MLIP: variants seen among roughly 807,000 people sequenced by gnomAD.
The protein encoded by MLIP is muscular LMNA-interacting protein.
Under a neutral mutation model 84.8 loss-of-function variants are expected in MLIP, and 79 were observed. The ratio of observed to expected loss-of-function variants is 0.93; its 90% CI spans 0.78 to 1.12. MLIP has a LOEUF of 1.12. Among genes scored for constraint, MLIP ranks in the 50% most tolerant of loss-of-function variants. MLIP has a pLI of 0.00. For missense variants in MLIP, 1,257 were observed against 1,160.6 expected (o/e 1.08, Z -1.21); for synonymous variants, 504 against 463.0 (o/e 1.09, Z -1.14).
intron 5 of MLIP, among the ~76,000 whole-genome samples, chr6:54,156,740 T>G (rs1774071593): frequency 6.6e-6 from 1 of 152,116 alleles, no homozygotes; most frequent in Non-Finnish European, 1.5e-5. Flanking sequence ...TACCCAGTGA[T>G]TCATCATAAA....
chr6:54,022,778 C>T (rs1763567850), intron 1 of MLIP, among the ~76,000 whole-genome samples: 1 of 152,080 alleles, frequency 6.6e-6, no homozygotes, highest in Non-Finnish European at 1.5e-5. Flanking sequence ...AGAAACAGAT[C>T]TCATGCATAA....
intron 11 of MLIP, among the ~76,000 whole-genome samples, chr6:54,223,642 T>C (rs761691480): frequency 6.6e-6 from 1 of 152,056 alleles, no homozygotes; most frequent in African/African-American, 2.4e-5. Flanking sequence ...CACTTTGAAA[T>C]CACAAAATGT....
rs560736872 is a variant in MLIP, at chr6:54,155,753, A to C, written c.2290-4614A>C. 1.4e-4 allele frequency among the ~76,000 whole-genome samples: 21 copies of C among 152,174 alleles called. No individual in the cohort carries two copies. In the South Asian group the frequency reaches 1.5e-3, roughly 11 times the overall value. On this transcript the variant is annotated intron_variant, in intron 5 of 13. Coordinates refer to ENST00000502396, the MANE Select transcript of MLIP (RefSeq NM_001281747.2). ...TCATAGTTCTTGGCTCCTAATTTTAATGTAGTGCTAAGTTCAGAAATTCTT... is the reference window on the plus strand; with the variant it reads ...TCATAGTTCTTGGCTCCTAATTTTACTGTAGTGCTAAGTTCAGAAATTCTT...
chr6:54,056,947 T>C (rs1221928685), intron 1 of MLIP, among the ~76,000 whole-genome samples: 1 of 152,208 alleles, frequency 6.6e-6, no homozygotes, highest in African/African-American at 2.4e-5. Flanking sequence ...TTTTGCTTTA[T>C]AAATGAGAAA....
At chr6:54,134,014 C>G (rs1771604893) in intron 3 of MLIP, among the ~76,000 whole-genome samples, 1 of 152,076 alleles carries the variant, frequency 6.6e-6, no homozygotes, top group African/African-American at 2.4e-5. Context: ...AAACCTAGAA[C>G]AGCCTTGAGG....
At chr6:54,041,362 T>C (rs1764732572) in intron 1 of MLIP, among the ~76,000 whole-genome samples, 1 of 152,114 alleles carries the variant, frequency 6.6e-6, no homozygotes, top group Non-Finnish European at 1.5e-5. Context: ...TTTTGGCAGT[T>C]AATAAATGAA....
intron 11 of MLIP, chr6:54,217,388 A>G (rs1268886303): frequency 5.1e-6 from 5 of 985,354 alleles, no homozygotes; most frequent in South Asian, 9.4e-5. Context: ...GAAGTTAAAC[A>G]GTATGATTTG....
Position 54,169,582 on chromosome 6 carries a change from TTTATAA to T in MLIP, c.2544+16_2544+21del, listed in dbSNP as rs1489303931. Reference sequence around the variant, plus strand: ...TCGAGAAACCAAATATGTAAGTACCTTTATAATTATACACACTGCTTTTCAAATGGG... The same window carrying T: ...TCGAGAAACCAAATATGTAAGTACCTTTATACACACTGCTTTTCAAATGGG... On this transcript the variant is annotated intron_variant, in intron 9 of 13. Transcript: ENST00000502396. 1 of 1,576,752 alleles carries T rather than the reference TTTATAA, an allele frequency of 6.3e-7. No individual in the cohort carries two copies. Among genetic ancestry groups the T allele is most frequent in the Admixed American group, 1.8e-5 (1 of 56,318 alleles).
chr6:54,258,959 A>G (rs1306538452), intron 13 of MLIP, among the ~76,000 whole-genome samples: 6 of 151,750 alleles, frequency 4.0e-5, no homozygotes, highest in Non-Finnish European at 8.8e-5. Context: ...TATTTATCCA[A>G]ATTTCTCTAT....
chr6:54,233,620 A>G (rs1282728621), intron 12 of MLIP, among the ~76,000 whole-genome samples: 1 of 152,166 alleles, frequency 6.6e-6, no homozygotes, highest in East Asian at 1.9e-4. Context: ...GCTATTGTGA[A>G]TAGTGCTGCA....
chr6:54,025,316 T>C (rs534454517), intron 1 of MLIP, among the ~76,000 whole-genome samples: 3 of 152,324 alleles, frequency 2.0e-5, no homozygotes, highest in African/African-American at 4.8e-5. Context: ...TAGATATTAC[T>C]TTCCGTATGG....
chr6:54,171,274 C>T (rs1231765909), intron 9 of MLIP, among the ~76,000 whole-genome samples: 1 of 151,542 alleles, frequency 6.6e-6, no homozygotes, highest in Non-Finnish European at 1.5e-5. Flanking sequence ...TTAAGTCATT[C>T]AAAGCTAAGA....
At chr6:54,123,958 G>A (rs972117743) in intron 2 of MLIP, among the ~76,000 whole-genome samples, 1 of 152,126 alleles carries the variant, frequency 6.6e-6, no homozygotes, top group Non-Finnish European at 1.5e-5. Flanking sequence ...CTATTTATGA[G>A]TTCTCCCTAA....
intron 1 of MLIP, chr6:54,047,385 C>T (rs1582026823): frequency 6.6e-6 from 1 of 152,250 alleles, no homozygotes. Context: ...GACTGAGCTT[C>T]TGCCAATTTA....
At chr6:54,040,619 T>A (rs1005523965) in intron 1 of MLIP, among the ~76,000 whole-genome samples, 1 of 152,068 alleles carries the variant, frequency 6.6e-6, no homozygotes, top group Non-Finnish European at 1.5e-5. Context: ...CACTCATACA[T>A]TCATCACAGC....
Position 54,096,195 on chromosome 6 carries a change from T to G in MLIP, c.64-25252T>G, listed in dbSNP as rs111971709. 1.2e-3 allele frequency among the ~76,000 whole-genome samples: 179 copies of G among 152,318 alleles called. 3 individuals are homozygous for G. The highest frequency in any genetic ancestry group is 4.3e-3 in the African/African-American group (178 of 41,578). ...TACTTGGAACTTTTTAAGACCTTTT[T>G]TGGGGGCACAGGAAAATTTGTCTTC... On this transcript the variant is annotated intron_variant, in intron 1 of 12. Transcript: ENST00000274897.
intron 12 of MLIP, among the ~76,000 whole-genome samples, chr6:54,244,194 A>G (rs1316512391): frequency 6.6e-6 from 1 of 152,292 alleles, no homozygotes; most frequent in East Asian, 1.9e-4. Context: ...TAAACCAGGT[A>G]ATTTATTTTC....
chr6:54,136,238 A>G (rs1339541923), intron 3 of MLIP, among the ~76,000 whole-genome samples: 1 of 152,228 alleles, frequency 6.6e-6, no homozygotes, highest in East Asian at 1.9e-4. Context: ...GTTAAGTAGT[A>G]GAAACTCTCA....
intron 9 of MLIP, among the ~76,000 whole-genome samples, chr6:54,170,954 T>A (rs1304770765): frequency 6.6e-6 from 1 of 151,472 alleles, no homozygotes; most frequent in East Asian, 1.9e-4. Flanking sequence ...TTGTGACTAA[T>A]ACATTTTACA....
Sources: gnomAD v4.1 joint callset for allele counts (sites outside exome capture counted in the v4.1 genomes callset) on GRCh38, gnomAD v4.1.1 for gene constraint, MANE v1.5 for transcripts, NCBI Gene and HGNC (gene_info 2026-07-23, HGNC 2026-07-21) for gene names.